Variants in DSCAML1 observed in about 807,000 individuals in gnomAD.
DSCAML1 encodes the protein DS cell adhesion molecule like 1.
A neutral mutation model predicts 200.5 loss-of-function variants in DSCAML1; 38 were observed. The ratio of observed to expected loss-of-function variants is 0.19; its 90% CI spans 0.15 to 0.25. The LOEUF (loss-of-function observed/expected upper bound fraction) is 0.25. Among genes scored for constraint, DSCAML1 ranks in the 10% least tolerant of loss-of-function variants. The pLI is 1.00. For missense variants in DSCAML1, 2,223 were observed against 2,858.8 expected (o/e 0.78, Z 5.07); for synonymous variants, 1,215 against 1,165.0 (o/e 1.04, Z -0.87).
At chr11:117,689,999 G>A (rs1179304007) in intron 3 of DSCAML1, among the ~76,000 whole-genome samples, 1 of 152,146 alleles carries the variant, frequency 6.6e-6, no homozygotes, top group Non-Finnish European at 1.5e-5. Context: ...TCTAGCCGGA[G>A]GTGTTCTTGT....
At chr11:117,553,696 A>G (rs777227886) in intron 3 of DSCAML1, among the ~76,000 whole-genome samples, 2 of 152,220 alleles carry the variant, frequency 1.3e-5, no homozygotes, top group Non-Finnish European at 2.9e-5. Flanking sequence ...GTGGGAATAT[A>G]AAATGGCACA....
chr11:117,803,395 G>A (rs540463050), intron 1 of DSCAML1, among the ~76,000 whole-genome samples: 3 of 152,274 alleles, frequency 2.0e-5, no homozygotes, highest in African/African-American at 4.8e-5. Context: ...AGGTGTGTCA[G>A]TTAATACAAA....
intron 3 of DSCAML1, among the ~76,000 whole-genome samples, chr11:117,691,053 A>T (rs553505088): frequency 3.0e-4 from 45 of 152,348 alleles, no homozygotes; most frequent in African/African-American, 1.0e-3. Context: ...CCAGATGTGT[A>T]TACTACATTT....
At chr11:117,561,094 CAG>C (rs1383467010) in intron 3 of DSCAML1, among the ~76,000 whole-genome samples, 1 of 152,210 alleles carries the variant, frequency 6.6e-6, no homozygotes, top group African/African-American at 2.4e-5. Flanking sequence ...GTTGTGGACA[CAG>C]AGTTTATTGG....
chr11:117,432,545 G>GC (rs775516750), intron 29 of DSCAML1, 41 bp from the exon 30 acceptor site: 1 of 1,582,242 alleles, frequency 6.3e-7, no homozygotes, highest in Non-Finnish European at 8.6e-7. Context: ...CTTTACAATT[G>GC]TTTTTTAAAG....
intron 11 of DSCAML1, among the ~76,000 whole-genome samples, chr11:117,499,110 G>A (rs550322949): frequency 9.2e-5 from 14 of 152,286 alleles, no homozygotes; most frequent in Middle Eastern, 3.4e-3. Flanking sequence ...CCTGCCTCTC[G>A]TTGAAGAATT....
chr11:117,486,390 TGAAAGTGGCGGATGG>T lies in DSCAML1; in HGVS notation c.2360-4243_2360-4229del, dbSNP rs1190068369. On this transcript the variant is annotated intron_variant, in intron 11 of 32. Transcript: ENST00000651296. ...GTGGCTGATGTGAAAATGGCGGATG[TGAAAGTGGCGGATGG>T]GAAAGTGGCGGATGTGAAAATGGCG... Among the ~76,000 whole-genome samples the T allele has an allele frequency of 6.6e-4, 92 of 140,450 alleles. 2 individuals carry two copies. The South Asian group carries it at 0.013, about 20-fold the overall frequency. The allele number at this position is 140,450 out of a possible 152,430, so 92.1% of individuals were successfully genotyped here. A position where few individuals can be genotyped will look rare whatever the true frequency, so the allele number is the denominator to read the frequency against.
At chr11:117,580,877 A>C (rs1007260848) in intron 3 of DSCAML1, among the ~76,000 whole-genome samples, 2 of 152,222 alleles carry the variant, frequency 1.3e-5, no homozygotes, top group Admixed American at 6.5e-5. Flanking sequence ...GGTGCTGAAC[A>C]GGGTCCTAAA....
chr11:117,748,362 G>A (rs1275242624), intron 3 of DSCAML1, among the ~76,000 whole-genome samples: 2 of 152,178 alleles, frequency 1.3e-5, no homozygotes, highest in Non-Finnish European at 2.9e-5. Flanking sequence ...TTACCCACTG[G>A]TCCTTGTCTT....
intron 3 of DSCAML1, among the ~76,000 whole-genome samples, chr11:117,578,834 C>G (rs2137456363): frequency 6.6e-6 from 1 of 152,296 alleles, no homozygotes. Context: ...GAACTGCCTA[C>G]TCTTTACCTC....
rs907657891 is a variant in DSCAML1 at position 117,655,101 on chromosome 11, G to A, written c.511+121690C>T. The stretch of plus-strand genomic sequence containing the variant: ...GAGCCATGGCGTGAGCCTTGCAGCC[G>A]CCCCTGGGCATGGGGCCAGCTCACA... On this transcript the variant is annotated intron_variant, in intron 3 of 32. Transcript: ENST00000651296. Among the ~76,000 whole-genome samples, 54 of 152,206 alleles carry A rather than the reference G, an allele frequency of 3.5e-4. 1 individual carries two copies. The highest frequency in any genetic ancestry group is 3.5e-3 in the Admixed American group (53 of 15,290).
intron 3 of DSCAML1, among the ~76,000 whole-genome samples, chr11:117,593,854 G>C (rs1419710049): frequency 3.3e-5 from 5 of 151,982 alleles, no homozygotes; most frequent in African/African-American, 1.2e-4. Flanking sequence ...TGGGACTACA[G>C]GCGCCCGCCA....
intron 3 of DSCAML1, among the ~76,000 whole-genome samples, chr11:117,775,561 G>A (rs971089397): frequency 6.6e-6 from 1 of 151,906 alleles, no homozygotes; most frequent in East Asian, 1.9e-4. Context: ...ACTGAGAGAA[G>A]GAAAAAGTAC....
intron 3 of DSCAML1, among the ~76,000 whole-genome samples, chr11:117,699,992 G>C (rs552769940): frequency 4.3e-4 from 65 of 152,286 alleles, no homozygotes; most frequent in African/African-American, 1.5e-3. Flanking sequence ...GCACAAGGGT[G>C]GGCAGTGACC....
At chr11:117,649,473 T>C (rs537416035) in intron 3 of DSCAML1, among the ~76,000 whole-genome samples, 27 of 152,274 alleles carry the variant, frequency 1.8e-4, no homozygotes, top group African/African-American at 6.0e-4. Context: ...TGCCTGTTCT[T>C]GCAGGTGCCA....
intron 3 of DSCAML1, among the ~76,000 whole-genome samples, chr11:117,741,801 C>T (rs962824930): frequency 6.6e-6 from 1 of 152,190 alleles, no homozygotes; most frequent in Non-Finnish European, 1.5e-5. Flanking sequence ...CACTAGGAGG[C>T]CTTAAGTGAC....
intron 1 of DSCAML1, among the ~76,000 whole-genome samples, chr11:117,790,526 G>A (rs555025981): frequency 5.9e-5 from 9 of 152,330 alleles, no homozygotes; most frequent in South Asian, 2.1e-4. Flanking sequence ...GACCTTCATC[G>A]TTCCTGTATG....
Position 117,524,872 on chromosome 11 carries a change from G to C in DSCAML1, c.870C>G (p.Gly290=). Residue 290 remains glycine, a synonymous_variant, in exon 5 of 33, where the codon GGC becomes GGG. Transcript: ENST00000651296. ...TGTTGGTGACCTCACAAATGTAGGT[G>C]CCGCTGTCCTCGGTCCGCAAGTCGC... The part of the protein sequence containing the change: ...TISDLRTEDS[G]TYICEVTNTF... 1 of 1,605,838 alleles carries C rather than the reference G, an allele frequency of 6.2e-7. No individual in the cohort carries two copies. Among genetic ancestry groups the C allele is most frequent in the Non-Finnish European group, 8.5e-7 (1 of 1,176,188 alleles).
intron 3 of DSCAML1, among the ~76,000 whole-genome samples, chr11:117,725,879 C>A (rs2054120123): frequency 6.6e-6 from 1 of 152,188 alleles, no homozygotes; most frequent in African/African-American, 2.4e-5. Context: ...GGCAGCAGGT[C>A]CCAGCAGAGG....
Sources: allele counts gnomAD v4.1 joint callset (sites outside exome capture counted in the v4.1 genomes callset), GRCh38; gene constraint gnomAD v4.1.1; transcripts MANE v1.5; gene names NCBI Gene and HGNC (gene_info 2026-07-23, HGNC 2026-07-21).